Variants in TXNDC5 observed in about 807,000 individuals in gnomAD.
TXNDC5 encodes the protein thioredoxin domain-containing protein 5.
TXNDC5 carries 44 observed loss-of-function variants against 52.6 expected under a neutral mutation model. That is an observed-to-expected ratio of 0.84 (90% confidence interval 0.66 to 1.08). The LOEUF is 1.08. Ranked by LOEUF, TXNDC5 falls within the 50% of genes least tolerant of loss-of-function variation. The pLI is 0.00. For missense variants in TXNDC5, 600 were observed against 565.5 expected, an observed-to-expected ratio of 1.06 and a Z score of -0.62; for synonymous variants, 241 against 234.4, an observed-to-expected ratio of 1.03 and a Z score of -0.26.
chr6:7,885,918 A>C (rs1341029979), intron 8 of TXNDC5, 43 bp downstream of exon 8: 3 of 1,574,286 alleles, frequency 1.9e-6, no homozygotes, highest in Non-Finnish European at 2.6e-6. Context: ...GATGTGACTT[A>C]GTACACATGG....
intron 5 of TXNDC5, 93 bp from the exon 6 acceptor site, chr6:7,889,674 C>T: frequency 1.0e-6 from 1 of 982,900 alleles, no homozygotes. Context: ...TACAAATATT[C>T]TTTTCAAAAT....
intron 8 of TXNDC5, among the ~76,000 whole-genome samples, chr6:7,885,204 G>A (rs1439811415): frequency 6.6e-6 from 1 of 152,218 alleles, no homozygotes; most frequent in Non-Finnish European, 1.5e-5. Flanking sequence ...AACATGTGGA[G>A]TGTAACAAAC....
rs1461597655 is a variant in TXNDC5 at position 7,910,632 on chromosome 6, GC to G, written c.144del (p.Ala51ArgfsTer89). On this transcript the variant is annotated frameshift_variant, in exon 1 of 10. Transcript: ENST00000379757. LOFTEE classifies it high-confidence loss of function. Reference protein sequence around the residue: ...AQEAAAAAADGPPAADGEDGQ... With the variant: ...AQEAAAAAADXPPAADGEDGQ... ...CCGTCCTCGCCGTCTGCCGCGGGGG[GC>G]CCGTCCGCCGCCGCCGCCGCCGCCT... 11 of 1,316,888 alleles carry G rather than the reference GC, an allele frequency of 8.4e-6. No individual in the cohort carries two copies. The highest frequency in any genetic ancestry group is 1.1e-5 in the Non-Finnish European group (11 of 1,013,928). 81.6% of individuals were successfully genotyped at this position (1,316,888 alleles called of 1,614,324 possible). A position where few individuals can be genotyped will look rare whatever the true frequency, so the allele number is the denominator to read the frequency against.
At position 7,883,202 on chromosome 6, in the gene TXNDC5, C is replaced by T. The variant is rs1169092542; in HGVS notation, c.1241G>A (p.Gly414Asp). ...GCGGTGTAACGAGTCAAGGTCTCTG[C>T]CTCCACTGTGCTCACTGACTTTCTT... is the stretch of plus-strand genomic sequence containing the variant. ...GGKKVSEHSGGRDLDSLHRFV... is the reference protein window; with the variant it reads ...GGKKVSEHSGDRDLDSLHRFV... The change falls in exon 10 of 10, where the codon GGC (glycine) becomes GAC (aspartate). Residue 414 changes from glycine (G) to aspartate (D), a missense_variant. Coordinates refer to ENST00000379757, the MANE Select transcript of TXNDC5 (RefSeq NM_030810.5). 2.5e-6 allele frequency: 4 copies of T among 1,614,078 alleles called. No individual in the cohort carries two copies. The highest frequency in any genetic ancestry group is 1.6e-4 in the Middle Eastern group (1 of 6,084).
intron 1 of TXNDC5, chr6:7,910,140 G>C (rs949263931): frequency 4.5e-5 from 44 of 987,188 alleles, no homozygotes; most frequent in Non-Finnish European, 5.1e-5. Context: ...CCCTCCTCCC[G>C]CACCGCCCCG....
Position 7,888,831 on chromosome 6 carries a change from T to G in TXNDC5, c.837A>C (p.Gly279=). The G allele has an allele frequency of 6.2e-7, 1 of 1,612,176 alleles. No individual in the cohort carries two copies. Among genetic ancestry groups the G allele is most frequent in the South Asian group, 1.1e-5 (1 of 90,800 alleles). The change falls in exon 7 of 10, where the codon GGA becomes GGC. Residue 279 remains glycine, a synonymous_variant. Transcript: ENST00000379757. ...CCCTCAGTGACTCCAAATCCCGCTT[T>G]CCCTTGTACTGATCCACCTGGCCAA... ...RDGKKVDQYK[G]KRDLESLREY...
chr6:7,895,139 A>G lies in TXNDC5; in HGVS notation c.583T>C (p.Ser195Pro), dbSNP rs375524173. 6.2e-7 allele frequency: 1 copy of G among 1,613,892 alleles called. No individual in the cohort carries two copies. The highest frequency in any genetic ancestry group is 1.1e-5 in the South Asian group (1 of 90,926). Residue 195 changes from serine (S) to proline (P), a missense_variant, in exon 4 of 10, where the codon TCA becomes CCA. Coordinates refer to ENST00000379757, the MANE Select transcript of TXNDC5 (RefSeq NM_030810.5). The stretch of plus-strand genomic sequence containing the variant: ...ACGTGCAGCTCAAAGTTGCTTGCTG[A>G]GAGCTCATACAGCCCTTGCTTGAGC... ...PELKQGLYEL[S>P]ASNFELHVAQ...
At chr6:7,888,423 G>A (rs1272687522) in intron 7 of TXNDC5, among the ~76,000 whole-genome samples, 1 of 152,148 alleles carries the variant, frequency 6.6e-6, no homozygotes, top group Non-Finnish European at 1.5e-5. Flanking sequence ...CGGAAAGGAA[G>A]GATTCTCTAG....
chr6:7,900,474 T>C (rs1760526495), intron 2 of TXNDC5, among the ~76,000 whole-genome samples: 3 of 152,344 alleles, frequency 2.0e-5, no homozygotes, highest in Admixed American at 2.0e-4. Flanking sequence ...GTACCATTTG[T>C]TAGCAAGCCT....
chr6:7,883,026 CTTAG>C lies in TXNDC5; in HGVS notation c.*114_*117del, dbSNP rs1201051665. ...ACACACACAAAGAAGATACCTCACG[CTTAG>C]TATGTTCTGCTTTCTGAACAGCCAC... On this transcript the variant is annotated 3_prime_UTR_variant, in exon 10 of 10. Coordinates refer to ENST00000379757, the MANE Select transcript of TXNDC5 (RefSeq NM_030810.5). 7.2e-7 allele frequency: 1 copy of C among 1,387,198 alleles called. No homozygotes were observed. Among genetic ancestry groups the C allele is most frequent in the African/African-American group, 1.4e-5 (1 of 69,510 alleles). The allele number at this position is 1,387,198 out of a possible 1,614,324, so 85.9% of individuals were successfully genotyped here. A position where few individuals can be genotyped will look rare whatever the true frequency, so the allele number is the denominator to read the frequency against.
intron 2 of TXNDC5, among the ~76,000 whole-genome samples, chr6:7,901,766 C>G (rs1246916210): frequency 6.6e-6 from 1 of 152,198 alleles, no homozygotes; most frequent in Non-Finnish European, 1.5e-5. Context: ...TCTCCTTTTT[C>G]AAGGAGACTG....
rs1759880825 is a variant in TXNDC5 at position 7,884,363 on chromosome 6, T to C, written c.1172A>G (p.Tyr391Cys). 6.2e-7 allele frequency: 1 copy of C among 1,614,066 alleles called. No homozygotes were observed. Among genetic ancestry groups the C allele is most frequent in the South Asian group, 1.1e-5 (1 of 91,078 alleles). ...CTAERNICSK[Y>C]SVRGYPTLLL... ...AGCATCCATCCAAGTACCCACCGAA[T>C]ACTTGCTGCAGATATTCCGTTCAGC... is the stretch of plus-strand genomic sequence containing the variant. Residue 391 changes from tyrosine (Y) to cysteine (C), a missense_variant, in exon 9 of 10, where the codon TAT becomes TGT. Tyr to Cys is a radical substitution (Grantham distance 194, BLOSUM62 -2). Coordinates refer to ENST00000379757, the MANE Select transcript of TXNDC5 (RefSeq NM_030810.5).
At position 7,885,620 on chromosome 6, in the gene TXNDC5, A is replaced by AT. The variant is rs140917115; in HGVS notation, c.1046+340dup. On this transcript the variant is annotated intron_variant, in intron 8 of 9. Coordinates refer to ENST00000379757, the MANE Select transcript of TXNDC5 (RefSeq NM_030810.5). ...GTTTAGCCAAAAAGAAAAGCCATCTATTTGGAAAAGTGCAGATACCACAAA... is the reference window on the plus strand; with the variant it reads ...GTTTAGCCAAAAAGAAAAGCCATCTATTTTGGAAAAGTGCAGATACCACAAA... 1.5e-3 allele frequency among the ~76,000 whole-genome samples: 224 copies of AT among 152,350 alleles called. 2 individuals carry two copies. Among genetic ancestry groups the AT allele is most frequent in the African/African-American group, 4.8e-3 (199 of 41,584 alleles).
chr6:7,896,188 A>G (rs1023392704), intron 3 of TXNDC5, among the ~76,000 whole-genome samples: 1 of 152,230 alleles, frequency 6.6e-6, no homozygotes, highest in Non-Finnish European at 1.5e-5. Context: ...GAAAGGCAAC[A>G]GAGAGAAAAC....
At chr6:7,900,937 TACAC>T (rs1760544494) in intron 2 of TXNDC5, among the ~76,000 whole-genome samples, 1 of 148,780 alleles carries the variant, frequency 6.7e-6, no homozygotes, top group African/African-American at 2.5e-5. Context: ...AATGCTGGGG[TACAC>T]ACACATTCAG....
chr6:7,890,163 TTTCA>T (rs1362283750), intron 5 of TXNDC5, among the ~76,000 whole-genome samples: 1 of 152,238 alleles, frequency 6.6e-6, no homozygotes, highest in African/African-American at 2.4e-5. Context: ...AAGCTTTTTC[TTTCA>T]TTTAAATCTC....
At chr6:7,891,340 CTT>C (rs1760183540) in intron 5 of TXNDC5, among the ~76,000 whole-genome samples, 1 of 152,150 alleles carries the variant, frequency 6.6e-6, no homozygotes. Context: ...TACCCCATCT[CTT>C]TGCAGAACGG....
chr6:7,910,382 G>A, intron 1 of TXNDC5, 132 bp downstream of exon 1: 3 of 1,020,812 alleles, frequency 2.9e-6, no homozygotes, highest in Non-Finnish European at 3.6e-6. Flanking sequence ...CCCCGCGCCC[G>A]TAGCACGCAC....
Position 7,884,381 on chromosome 6 carries a change from C to T in TXNDC5, c.1154G>A (p.Arg385Gln), listed in dbSNP as rs748775576. The change falls in exon 9 of 10, where the codon CGG becomes CAG. Residue 385 changes from arginine (R) to glutamine (Q), a missense_variant. By Grantham distance (43) the Arg-to-Gln change is conservative (BLOSUM62 1). Coordinates refer to ENST00000379757, the MANE Select transcript of TXNDC5 (RefSeq NM_030810.5). ...CACCGAATACTTGCTGCAGATATTCCGTTCAGCAGTGCAGTCTACTTCGGC... is the reference window on the plus strand; with the variant it reads ...CACCGAATACTTGCTGCAGATATTCTGTTCAGCAGTGCAGTCTACTTCGGC... ...KIAEVDCTAERNICSKYSVRG... is the reference protein window; with the variant it reads ...KIAEVDCTAEQNICSKYSVRG... The T allele has an allele frequency of 4.5e-5, 73 of 1,613,984 alleles. No homozygotes were observed. The highest frequency in any genetic ancestry group is 8.8e-5 in the South Asian group (8 of 91,076).
Sources: gnomAD v4.1 joint callset for allele counts (sites outside exome capture counted in the v4.1 genomes callset) on GRCh38, gnomAD v4.1.1 for gene constraint, MANE v1.5 for transcripts, NCBI Gene and HGNC (gene_info 2026-07-23, HGNC 2026-07-21) for gene names.